The following ASPA variants were observed in gnomAD, a reference collection of about 807,000 sequenced individuals.
ASPA encodes the protein aspartoacylase.
ASPA carries 25 observed loss-of-function variants against 29.6 expected under a neutral mutation model. That is an observed-to-expected ratio of 0.85 (90% CI 0.62 to 1.18). The LOEUF (loss-of-function observed/expected upper bound fraction) is 1.18. Ranked by LOEUF, ASPA falls within the 50% of genes most tolerant of loss-of-function variation. The probability of loss-of-function intolerance (pLI) is 0.00; values close to 1 mark genes in which losing one functional copy is unlikely to be tolerated. For synonymous variants in ASPA, 131 were observed against 130.3 expected, an observed-to-expected ratio of 1.01 and a Z score of -0.04; for missense variants, 333 against 385.7, an observed-to-expected ratio of 0.86 and a Z score of 1.14.
chr17:3,481,564 C>T, intron 1 of ASPA, 39 bp from the exon 2 acceptor site: 2 of 1,551,518 alleles, frequency 1.3e-6, no homozygotes, highest in Non-Finnish European at 1.8e-6. Context: ...TTATCTCAGG[C>T]ACAGATGTTG....
Position 3,503,076 on chromosome 17 carries a change from G to A in ASPA, c.*3988G>A, listed in dbSNP as rs2074009278. The A allele has an allele frequency of 6.6e-6, 1 of 152,090 alleles. No individual in the cohort carries two copies. Among genetic ancestry groups the A allele is most frequent in the African/African-American group, 2.4e-5 (1 of 41,412 alleles). 9.4% of individuals were successfully genotyped at this position (152,090 alleles called of 1,614,324 possible). A position where few individuals can be genotyped will look rare whatever the true frequency, so the allele number is the denominator to read the frequency against. Reference sequence around the variant, plus strand: ...CCCCCTCCCTCTCCAGCCCCACCAGGGCCCTCCCCGCCATCCTCTTAGGCC... The same window carrying A: ...CCCCCTCCCTCTCCAGCCCCACCAGAGCCCTCCCCGCCATCCTCTTAGGCC... On this transcript the variant is annotated 3_prime_UTR_variant, in exon 6 of 6. Transcript: ENST00000263080.
rs2073629527 is a variant in ASPA, at chr17:3,481,630, T to C, written c.264T>C (p.Tyr88=). The change falls in exon 2 of 6, where the codon TAT becomes TAC. Residue 88 remains tyrosine (Y), a synonymous_variant. Transcript: ENST00000263080. Reference sequence around the variant, plus strand: ...AAAAAATGTCAGAAGATTTGCCATATGAAGTGAGAAGGGCTCAAGAAATAA... The same window carrying C: ...AAAAAATGTCAGAAGATTTGCCATACGAAGTGAGAAGGGCTCAAGAAATAA... ...LGKKMSEDLP[Y]EVRRAQEINH... is the part of the protein sequence containing the mutation. 6.2e-7 allele frequency: 1 copy of C among 1,613,692 alleles called. No homozygotes were observed. The highest frequency in any genetic ancestry group is 1.3e-5 in the African/African-American group (1 of 74,928).
rs1190302599 is a variant in ASPA, at chr17:3,485,017, G to A, written c.526+1425G>A. On this transcript the variant is annotated intron_variant, in intron 3 of 5. Transcript: ENST00000263080. The surrounding 1 kb of genome is among the most constrained non-coding windows in gnomAD (Gnocchi z 4.4). The stretch of plus-strand genomic sequence containing the variant: ...ATAAATGATCATCATTCACAGTAGG[G>A]TTTTGTTTTGTTTTTTTTCTGGAAA... Among the ~76,000 whole-genome samples the A allele has an allele frequency of 6.6e-6, 1 of 151,808 alleles. No individual in the cohort carries two copies. The highest frequency in any genetic ancestry group is 1.5e-5 in the Non-Finnish European group (1 of 67,972).
In ASPA at chr17:3,476,369, TC is replaced by T; in HGVS notation, c.211del (p.Arg71AlafsTer20). 1 of 1,614,186 alleles carries T rather than the reference TC, an allele frequency of 6.2e-7. No homozygotes were observed. The highest frequency in any genetic ancestry group is 1.1e-5 in the South Asian group (1 of 91,088). On this transcript the variant is annotated frameshift_variant, in exon 1 of 6. Transcript: ENST00000263080. LOFTEE classifies it high-confidence loss of function. ...CCAGATATATTGACTGTGACCTGAA[TC>T]GCATTTTTGACCTTGAAAATCTTGG... is the stretch of plus-strand genomic sequence containing the variant. ...CTRYIDCDLN[R>X]IFDLENLGKK... is the part of the protein sequence containing the mutation.
rs759496696 is a variant in ASPA, at chr17:3,476,390, T to C, written c.231T>C (p.Asn77=). 3 of 1,613,848 alleles carry C rather than the reference T, an allele frequency of 1.9e-6. No individual in the cohort carries two copies. The South Asian group carries it at 3.3e-5, about 18-fold the overall frequency. The stretch of plus-strand genomic sequence containing the variant: ...TGAATCGCATTTTTGACCTTGAAAA[T>C]CTTGGGTAAGACTATGCTTTGTATT... ...CDLNRIFDLE[N]LGKKMSEDLP... Residue 77 remains asparagine, a synonymous_variant, in exon 1 of 6, where the codon AAT becomes AAC. Coordinates refer to ENST00000263080, the MANE Select transcript of ASPA (RefSeq NM_000049.4).
At chr17:3,494,176 G>T (rs1567617318) in intron 4 of ASPA, among the ~76,000 whole-genome samples, 174 bp from the exon 5 acceptor site, 2 of 151,732 alleles carry the variant, frequency 1.3e-5, no homozygotes, top group African/African-American at 2.4e-5. Context: ...TCCCAACCTG[G>T]GTATTTTTAG....
intron 5 of ASPA, 74 bp downstream of exon 5, chr17:3,494,533 C>T: frequency 8.0e-7 from 1 of 1,254,310 alleles, no homozygotes; most frequent in South Asian, 1.2e-5. Context: ...ATAGCTCATA[C>T]AGCACTTCGC....
At chr17:3,481,486 A>C in intron 1 of ASPA, 117 bp from the exon 2 acceptor site, 2 of 941,536 alleles carry the variant, frequency 2.1e-6, no homozygotes, top group Non-Finnish European at 3.2e-6. Flanking sequence ...TACTTACCAC[A>C]CAGATTTTTC....
Position 3,499,177 on chromosome 17 carries a change from C to T in ASPA, c.*89C>T, listed in dbSNP as rs2073961074. 7.1e-7 allele frequency: 1 copy of T among 1,399,380 alleles called. No individual in the cohort carries two copies. Among genetic ancestry groups the T allele is most frequent in the African/African-American group, 1.4e-5 (1 of 69,932 alleles). The allele number at this position is 1,399,380 out of a possible 1,614,324, so 86.7% of individuals were successfully genotyped here. On this transcript the variant is annotated 3_prime_UTR_variant, in exon 6 of 6. Transcript: ENST00000263080. ...AAGAGTAGGGTTGTGCCTTATTCAA[C>T]TGCATACATAGCTCCTAGCACAGTG...
Position 3,494,398 on chromosome 17 carries a change from A to C in ASPA, c.683A>C (p.Lys228Thr), listed in dbSNP as rs756641891. The C allele has an allele frequency of 6.2e-7, 1 of 1,613,312 alleles. No homozygotes were observed. The highest frequency in any genetic ancestry group is 1.1e-5 in the South Asian group (1 of 91,068). ...CAIEVYKIIEKVDYPRDENGE... is the reference protein window; with the variant it reads ...CAIEVYKIIETVDYPRDENGE... ...ATTGAGGTCTATAAAATTATAGAGA[A>C]AGTTGATTACCCCCGGGATGAAAAT... is the stretch of plus-strand genomic sequence containing the variant. Residue 228 changes from lysine to threonine, a missense_variant, in exon 5 of 6, where the codon AAA (lysine) becomes ACA (threonine). Physicochemically the swap from Lys to Thr is moderately conservative, Grantham distance 78. Transcript: ENST00000263080.
rs763378875 is a variant in ASPA, at chr17:3,481,753, G to A, written c.387G>A (p.Glu129=). The A allele has an allele frequency of 8.1e-6, 13 of 1,612,738 alleles. No homozygotes were observed. Among genetic ancestry groups the A allele is most frequent in the Admixed American group, 6.7e-5 (4 of 59,922 alleles). Reference sequence around the variant, plus strand: ...ACATGGGGTGCACTCTTATTCTTGAGGATTCCAGGAATAACTTTTTAATTC... The same window carrying A: ...ACATGGGGTGCACTCTTATTCTTGAAGATTCCAGGAATAACTTTTTAATTC... ...TSNMGCTLIL[E]DSRNNFLIQM... The change falls in exon 2 of 6, where the codon GAG becomes GAA. Residue 129 remains glutamate, a synonymous_variant. Transcript: ENST00000263080.
chr17:3,492,861 A>T (rs2073848149), intron 4 of ASPA, among the ~76,000 whole-genome samples: 1 of 152,204 alleles, frequency 6.6e-6, no homozygotes, highest in African/African-American at 2.4e-5. Flanking sequence ...AAAAATCCAC[A>T]AAGCCAGTGT....
chr17:3,484,271 C>A (rs754640491), intron 3 of ASPA, among the ~76,000 whole-genome samples: 18 of 152,130 alleles, frequency 1.2e-4, no homozygotes, highest in Non-Finnish European at 2.5e-4. Context: ...AGTGTGCCTA[C>A]CAGAGACCAA....
At position 3,499,923 on chromosome 17, in the gene ASPA, C is replaced by T. The variant is rs1419983167; in HGVS notation, c.*835C>T. 1 of 152,144 alleles carries T rather than the reference C, an allele frequency of 6.6e-6. No homozygotes were observed. Among genetic ancestry groups the T allele is most frequent in the African/African-American group, 2.4e-5 (1 of 41,432 alleles). 9.4% of individuals were successfully genotyped at this position (152,144 alleles called of 1,614,324 possible). On this transcript the variant is annotated 3_prime_UTR_variant, in exon 6 of 6. Transcript: ENST00000263080. ...AGCTAGGCCTCTTGCACTGGTTAGC[C>T]AAGTTGTGAATTCAAAGAAAAGGAT...
chr17:3,481,464 C>A, intron 1 of ASPA, 139 bp from the exon 2 acceptor site: 1 of 720,410 alleles, frequency 1.4e-6, no homozygotes, highest in Non-Finnish European at 2.3e-6. Context: ...ATAAACATTT[C>A]AGGTAAGTTT....
At chr17:3,494,777 G>A (rs1368280769) in intron 5 of ASPA, among the ~76,000 whole-genome samples, 1 of 152,178 alleles carries the variant, frequency 6.6e-6, no homozygotes, top group Admixed American at 6.5e-5. Context: ...TGGGAGAGGA[G>A]TGGTCAGACA....
intron 5 of ASPA, 26 bp from the exon 6 acceptor site, chr17:3,498,865 T>A: frequency 2.7e-6 from 4 of 1,495,538 alleles, no homozygotes; most frequent in Non-Finnish European, 3.6e-6. Flanking sequence ...AAATATAATA[T>A]ATTTATTTTG....
Position 3,490,201 on chromosome 17 carries a change from T to C in ASPA, c.634+859T>C, listed in dbSNP as rs2073800580. ...GGAGGCAAAACCCAGGCTAATTTTG[T>C]CTTAATTATATTCAATAAGAATAAT... On this transcript the variant is annotated intron_variant, in intron 4 of 5. Coordinates refer to ENST00000263080, the MANE Select transcript of ASPA (RefSeq NM_000049.4). This position sits in a 1 kb window ranked among gnomAD's most constrained non-coding sequence, Gnocchi z 4.6. Among the ~76,000 whole-genome samples the C allele has an allele frequency of 6.6e-6, 1 of 152,154 alleles. No individual in the cohort carries two copies. Among genetic ancestry groups the C allele is most frequent in the South Asian group, 2.1e-4 (1 of 4,824 alleles).
rs1309170024 is a variant in ASPA, at chr17:3,490,474, TATA to T, written c.634+1137_634+1139del. Among the ~76,000 whole-genome samples, 4 of 152,178 alleles carry T rather than the reference TATA, an allele frequency of 2.6e-5. No homozygotes were observed. Among genetic ancestry groups the T allele is most frequent in the African/African-American group, 4.8e-5 (2 of 41,444 alleles). On this transcript the variant is annotated intron_variant, in intron 4 of 5. Transcript: ENST00000263080. This position sits in a 1 kb window ranked among gnomAD's most constrained non-coding sequence, Gnocchi z 4.6. ...AAATTGTTGTTGAGGAATGGGCAATTATAATAACAGAGGGGGTGTGTACTTCGG... is the reference window on the plus strand; with the variant it reads ...AAATTGTTGTTGAGGAATGGGCAATTATAACAGAGGGGGTGTGTACTTCGG...
Sources: allele counts gnomAD v4.1 joint callset (sites outside exome capture counted in the v4.1 genomes callset), GRCh38; gene constraint gnomAD v4.1.1; non-coding constraint Gnocchi (gnomAD v3.1); transcripts MANE v1.5; gene names NCBI Gene and HGNC (gene_info 2026-07-23, HGNC 2026-07-21).